TRHDE: variants seen among roughly 807,000 people sequenced by gnomAD.
The protein encoded by TRHDE is thyrotropin releasing hormone degrading enzyme.
A neutral mutation model predicts 125.7 loss-of-function variants in TRHDE; 72 were observed. The ratio of observed to expected loss-of-function variants is 0.57; its 90% CI spans 0.47 to 0.70. The LOEUF (loss-of-function observed/expected upper bound fraction) is 0.70. Among genes scored for constraint, TRHDE ranks in the 30% least tolerant of loss-of-function variants. The probability of loss-of-function intolerance (pLI) is 0.00; values close to 1 mark genes in which losing one functional copy is unlikely to be tolerated. For missense variants in TRHDE, 1,110 were observed against 1,327.1 expected (o/e 0.84, Z 2.54); for synonymous variants, 509 against 509.1 (o/e 1.00, Z 0.00).
chr12:72,384,172 A>G (rs998041142), intron 3 of TRHDE, among the ~76,000 whole-genome samples: 8 of 152,192 alleles, frequency 5.3e-5, no homozygotes, highest in Non-Finnish European at 1.0e-4. Context: ...TTAGACTTCA[A>G]TTAATGACAG....
intron 5 of TRHDE, among the ~76,000 whole-genome samples, chr12:72,478,713 A>G (rs1877011352): frequency 6.6e-6 from 1 of 152,140 alleles, no homozygotes; most frequent in South Asian, 2.1e-4. Context: ...AGCTAATGCC[A>G]TTAAAGCAAA....
At chr12:72,493,243 A>T (rs993535883) in intron 5 of TRHDE, among the ~76,000 whole-genome samples, 5 of 151,968 alleles carry the variant, frequency 3.3e-5, no homozygotes, top group Non-Finnish European at 5.9e-5. Flanking sequence ...AGGATATTAC[A>T]TAAACAAATG....
At chr12:72,437,135 TTC>T (rs1348475717) in intron 3 of TRHDE, among the ~76,000 whole-genome samples, 2 of 151,878 alleles carry the variant, frequency 1.3e-5, no homozygotes, top group African/African-American at 4.8e-5. Context: ...GTTTATTAAT[TTC>T]TCTGTTTCCC....
chr12:72,292,459 T>A (rs1462357275), intron 2 of TRHDE, among the ~76,000 whole-genome samples: 1 of 152,220 alleles, frequency 6.6e-6, no homozygotes, highest in African/African-American at 2.4e-5. Flanking sequence ...TCTTCTCTTT[T>A]ATAATTTTCA....
chr12:72,602,234 G>T lies in TRHDE; in HGVS notation c.2322-16657G>T, dbSNP rs1213184171. Among the ~76,000 whole-genome samples, 4 of 152,216 alleles carry T rather than the reference G, an allele frequency of 2.6e-5. No individual in the cohort carries two copies. The East Asian group carries it at 7.7e-4, about 29-fold the overall frequency. ...CAAGGAAGGAAAAAGAAAACACAGGGTTGAAAACTCCATTTGTATGTGTGT... is the reference window on the plus strand; with the variant it reads ...CAAGGAAGGAAAAAGAAAACACAGGTTTGAAAACTCCATTTGTATGTGTGT... On this transcript the variant is annotated intron_variant, in intron 12 of 18. Transcript: ENST00000261180.
chr12:72,118,895 C>A (rs1200026182), intron 2 of TRHDE, among the ~76,000 whole-genome samples: 1 of 151,990 alleles, frequency 6.6e-6, no homozygotes, highest in African/African-American at 2.4e-5. Flanking sequence ...TGTAATGTCT[C>A]ATTTTTTGTC....
At chr12:72,381,980 A>G (rs1450585339) in intron 3 of TRHDE, among the ~76,000 whole-genome samples, 3 of 152,166 alleles carry the variant, frequency 2.0e-5, no homozygotes, top group Non-Finnish European at 4.4e-5. Flanking sequence ...ATGATGTGTA[A>G]AGTTGTGAGG....
Position 72,279,735 on chromosome 12 carries a change from C to A in TRHDE, c.914+6178C>A, listed in dbSNP as rs576620617. On this transcript the variant is annotated intron_variant, in intron 1 of 18. Transcript: ENST00000261180. ...TAAGGGTGAAGAACCCAGGCTCACC[C>A]TTCCTGCCTTCTTTGCCTCCAAGCT... Among the ~76,000 whole-genome samples the A allele has an allele frequency of 2.3e-4, 35 of 152,262 alleles. No homozygotes were observed. In the South Asian group the frequency reaches 7.0e-3, roughly 31 times the overall value.
intron 2 of TRHDE, among the ~76,000 whole-genome samples, chr12:72,351,544 T>C (rs1870581427): frequency 6.6e-6 from 1 of 151,942 alleles, no homozygotes; most frequent in African/African-American, 2.4e-5. Context: ...GCATCTCTCC[T>C]TTCCTATCCT....
intron 1 of TRHDE, among the ~76,000 whole-genome samples, chr12:72,283,415 A>G (rs920930855): frequency 6.6e-6 from 1 of 152,188 alleles, no homozygotes; most frequent in East Asian, 1.9e-4. Flanking sequence ...TACTGAATTG[A>G]AATTCAATTG....
At chr12:72,638,214 A>G (rs2136095402) in intron 15 of TRHDE, among the ~76,000 whole-genome samples, 2 of 148,268 alleles carry the variant, frequency 1.3e-5, no homozygotes, top group South Asian at 4.5e-4. Context: ...TATATTTAGG[A>G]TAGTTAGCTC....
intron 5 of TRHDE, among the ~76,000 whole-genome samples, chr12:72,491,201 G>T (rs1241270751): frequency 6.6e-6 from 1 of 151,756 alleles, no homozygotes; most frequent in African/African-American, 2.4e-5. Flanking sequence ...TAAATGACAT[G>T]CATATTTTTA....
At chr12:72,459,137 C>A (rs1876007777) in intron 3 of TRHDE, among the ~76,000 whole-genome samples, 1 of 152,146 alleles carries the variant, frequency 6.6e-6, no homozygotes. Context: ...TCAAAGCCAG[C>A]AATGCCTGGT....
chr12:72,425,098 G>C (rs907814729), intron 3 of TRHDE, among the ~76,000 whole-genome samples: 4 of 152,060 alleles, frequency 2.6e-5, no homozygotes, highest in African/African-American at 9.7e-5. Context: ...TTTAGGTTTA[G>C]GATAGCTTTA....
intron 3 of TRHDE, among the ~76,000 whole-genome samples, chr12:72,399,869 T>C (rs770162973): frequency 2.0e-5 from 3 of 152,182 alleles, no homozygotes. Context: ...TTATTGCCTC[T>C]GTATCTCAAT....
At chr12:72,250,862 A>ATATATATT (rs981275202) in intron 2 of TRHDE, among the ~76,000 whole-genome samples, 5 of 144,260 alleles carry the variant, frequency 3.5e-5, no homozygotes, top group Non-Finnish European at 7.6e-5. Context: ...ATATATATAT[A>ATATATATT]TTTTATTTTT....
chr12:72,168,773 A>G (rs1408167024), intron 2 of TRHDE, among the ~76,000 whole-genome samples: 1 of 152,182 alleles, frequency 6.6e-6, no homozygotes, highest in African/African-American at 2.4e-5. Context: ...TTGAGAAGGT[A>G]AACAATGTAG....
At chr12:72,645,693 A>G (rs1180818262) in intron 15 of TRHDE, among the ~76,000 whole-genome samples, 1 of 152,168 alleles carries the variant, frequency 6.6e-6, no homozygotes, top group Non-Finnish European at 1.5e-5. Context: ...GCAAAAGTAA[A>G]AAAGAGAATT....
At chr12:72,578,139 C>A (rs1054034121) in intron 12 of TRHDE, among the ~76,000 whole-genome samples, 1 of 152,114 alleles carries the variant, frequency 6.6e-6, no homozygotes, top group African/African-American at 2.4e-5. Context: ...AAAAGAATAG[C>A]AAATATTTAT....
Sources: allele counts gnomAD v4.1 joint callset (sites outside exome capture counted in the v4.1 genomes callset), GRCh38; gene constraint gnomAD v4.1.1; transcripts MANE v1.5; gene names NCBI Gene and HGNC (gene_info 2026-07-23, HGNC 2026-07-21).